Variants in TPP2 observed in about 807,000 individuals in gnomAD.
The protein encoded by TPP2 is tripeptidyl peptidase 2, also known as tripeptidyl-peptidase 2.
A neutral mutation model predicts 155.9 loss-of-function variants in TPP2; 34 were observed. The observed-to-expected ratio is 0.22, with a 90% confidence interval of 0.17 to 0.29. The LOEUF (loss-of-function observed/expected upper bound fraction) is 0.29, where lower values mean the gene tolerates loss of function less well. TPP2 is among the 10% of genes least tolerant of loss of function. The pLI, the probability that TPP2 is intolerant of heterozygous loss-of-function variation, is 1.00. For synonymous variants in TPP2, 510 were observed against 529.4 expected (o/e 0.96, Z 0.50); for missense variants, 1,028 against 1,522.3 (o/e 0.68, Z 5.40).
At chr13:102,600,665 A>G (rs1316332111) in intron 1 of TPP2, among the ~76,000 whole-genome samples, 1 of 152,196 alleles carries the variant, frequency 6.6e-6, no homozygotes. Context: ...TTTTTGTTGA[A>G]TGGAAAAAAT....
In TPP2 at chr13:102,643,357, C is replaced by T; in HGVS notation, c.2156C>T (p.Thr719Ile). ...FCSLPEKGTL[T>I]EAFPVLGGKA... is the part of the protein sequence containing the mutation. Reference sequence around the variant, plus strand: ...TCTCTTCCAGAGAAAGGAACACTGACTGAAGCTTTTCCTGTCCTAGTAAGT... The same window carrying T: ...TCTCTTCCAGAGAAAGGAACACTGATTGAAGCTTTTCCTGTCCTAGTAAGT... Residue 719 changes from threonine to isoleucine, a missense_variant, in exon 17 of 30, where the codon ACT (threonine) becomes ATT (isoleucine). Thr to Ile is a moderately conservative substitution (Grantham distance 89). Around this residue, in one of 7 missense-constraint regions of TPP2, gnomAD observed 325 missense variants for 463.7 expected, o/e 0.70. Transcript: ENST00000376052. 6.2e-7 allele frequency: 1 copy of T among 1,605,074 alleles called. No homozygotes were observed. Among genetic ancestry groups the T allele is most frequent in the Non-Finnish European group, 8.5e-7 (1 of 1,177,484 alleles).
rs1370891970 is a variant in TPP2 at position 102,678,634 on chromosome 13, G to T, written c.*318G>T. The stretch of plus-strand genomic sequence containing the variant: ...AGGTTTTGGAAGGTAACTTTTAACT[G>T]CAAACCTATAAAGTACTATTTTTTA... On this transcript the variant is annotated 3_prime_UTR_variant, in exon 30 of 30. Transcript: ENST00000376052. The T allele has an allele frequency of 4.9e-6, 1 of 203,914 alleles. No individual in the cohort carries two copies. The highest frequency in any genetic ancestry group is 1.1e-4 in the East Asian group (1 of 9,378). The allele number at this position is 203,914 out of a possible 1,614,324, so 12.6% of individuals were successfully genotyped here.
chr13:102,646,230 G>C, intron 19 of TPP2, 64 bp from the exon 20 acceptor site: 1 of 1,365,756 alleles, frequency 7.3e-7, no homozygotes, highest in Non-Finnish European at 1.0e-6. Flanking sequence ...TGTTGCATAT[G>C]GTTTTATTTG....
chr13:102,673,956 A>G (rs1454239853), intron 27 of TPP2, among the ~76,000 whole-genome samples: 2 of 152,220 alleles, frequency 1.3e-5, no homozygotes, highest in East Asian at 3.8e-4. Flanking sequence ...CTGAAAACTC[A>G]AAAGTCGTTT....
chr13:102,653,012 G>T (rs1026375069), intron 24 of TPP2, among the ~76,000 whole-genome samples: 8 of 152,084 alleles, frequency 5.3e-5, no homozygotes, highest in Non-Finnish European at 1.0e-4. Flanking sequence ...TATTTTTGTT[G>T]ACCTTTTGCA....
intron 1 of TPP2, among the ~76,000 whole-genome samples, chr13:102,604,148 G>C (rs1228866155): frequency 6.6e-6 from 1 of 152,146 alleles, no homozygotes; most frequent in Non-Finnish European, 1.5e-5. Flanking sequence ...TGTTGCGTTT[G>C]AGGTGCTAGT....
rs755251407 is a variant in TPP2 at position 102,635,595 on chromosome 13, G to A, written c.1402G>A (p.Ala468Thr). 6 of 1,611,632 alleles carry A rather than the reference G, an allele frequency of 3.7e-6. No individual in the cohort carries two copies. Among genetic ancestry groups the A allele is most frequent in the Non-Finnish European group, 5.1e-6 (6 of 1,179,438 alleles). ...GIALILSGLK[A>T]NNIDYTVHSV... ...TTGTTTCTTAATTTTAGGTCTGAAA[G>A]CTAATAACATTGACTACACAGTTCA... Residue 468 changes from alanine (A) to threonine (T), a missense_variant, in exon 12 of 30, where the codon GCT becomes ACT. Physicochemically the swap from Ala to Thr is moderately conservative, Grantham distance 58. Coordinates refer to ENST00000376052, the MANE Select transcript of TPP2 (RefSeq NM_001330588.2).
chr13:102,647,979 A>G (rs1157140433), intron 21 of TPP2, among the ~76,000 whole-genome samples: 6 of 152,154 alleles, frequency 3.9e-5, no homozygotes, highest in African/African-American at 1.4e-4. Flanking sequence ...TTTTTCAATT[A>G]GTTGTTAAAG....
At position 102,607,107 on chromosome 13, in the gene TPP2, C is replaced by A. The variant is rs558585002; in HGVS notation, c.294+2186C>A. ...CTGTAAGCCAGGAAGAGGGCTTTCA[C>A]CTATGCTCAACCATGCTGGCACCCT... On this transcript the variant is annotated intron_variant, in intron 2 of 29. Coordinates refer to ENST00000376052, the MANE Select transcript of TPP2 (RefSeq NM_001330588.2). Among the ~76,000 whole-genome samples, 68 of 152,318 alleles carry A rather than the reference C, an allele frequency of 4.5e-4. 1 individual carries two copies. In the Middle Eastern group the frequency reaches 0.014, roughly 30 times the overall value.
intron 4 of TPP2, among the ~76,000 whole-genome samples, chr13:102,617,572 G>A (rs1880842641): frequency 2.0e-5 from 3 of 152,304 alleles, no homozygotes; most frequent in Admixed American, 1.3e-4. Context: ...AGTTTCTGAT[G>A]TGACAGCCTC....
chr13:102,647,894 T>C (rs1883232043), intron 21 of TPP2, among the ~76,000 whole-genome samples: 1 of 152,250 alleles, frequency 6.6e-6, no homozygotes, highest in Admixed American at 6.5e-5. Context: ...CCTTAGATAT[T>C]ACTGCAAAGA....
At chr13:102,617,733 G>A (rs1379513349) in intron 4 of TPP2, among the ~76,000 whole-genome samples, 5 of 152,144 alleles carry the variant, frequency 3.3e-5, no homozygotes, top group Admixed American at 6.5e-5. Context: ...AAGTGCTTTT[G>A]ATCAAAGACG....
At position 102,630,347 on chromosome 13, in the gene TPP2, A is replaced by G. The variant is rs1167823569; in HGVS notation, c.1244+152A>G. Reference sequence around the variant, plus strand: ...TCATTTTGATTAACAGTCTCATCTCAGGGACAGATAAATAAAATAAATGAA... The same window carrying G: ...TCATTTTGATTAACAGTCTCATCTCGGGGACAGATAAATAAAATAAATGAA... On this transcript the variant is annotated intron_variant, in intron 10 of 29. Coordinates refer to ENST00000376052, the MANE Select transcript of TPP2 (RefSeq NM_001330588.2). 4 of 543,916 alleles carry G rather than the reference A, an allele frequency of 7.4e-6. No homozygotes were observed. The Admixed American group carries it at 1.0e-4, about 14-fold the overall frequency. The allele number at this position is 543,916 out of a possible 1,614,324, so 33.7% of individuals were successfully genotyped here.
At chr13:102,674,259 A>T in intron 27 of TPP2, 24 bp from the exon 28 acceptor site, 1 of 1,592,892 alleles carries the variant, frequency 6.3e-7, no homozygotes, top group Non-Finnish European at 8.5e-7. Context: ...TGATATCTGA[A>T]ATATTTTTTA....
intron 24 of TPP2, chr13:102,654,889 G>A (rs1883750794): frequency 4.4e-6 from 2 of 458,652 alleles, no homozygotes; most frequent in South Asian, 3.1e-5. Context: ...GCTTTGCTCA[G>A]GGCAGTGCCT....
At chr13:102,646,215 G>A in intron 19 of TPP2, 79 bp from the exon 20 acceptor site, 2 of 1,195,142 alleles carry the variant, frequency 1.7e-6, no homozygotes, top group South Asian at 3.0e-5. Flanking sequence ...ATATGTTACA[G>A]ATTTTGTTGC....
Position 102,622,952 on chromosome 13 carries a change from A to C in TPP2, c.696A>C (p.Glu232Asp). 1 of 1,614,206 alleles carries C rather than the reference A, an allele frequency of 6.2e-7. No individual in the cohort carries two copies. The highest frequency in any genetic ancestry group is 8.5e-7 in the Non-Finnish European group (1 of 1,180,036). ...TGAGAAACTACAAAGAAGCCCAAGA[A>C]TATGGCTCTTTTGGCACAGCTGAGA... is the stretch of plus-strand genomic sequence containing the variant. ...TVLRNYKEAQ[E>D]YGSFGTAEML... is the part of the protein sequence containing the mutation. The change falls in exon 6 of 30, where the codon GAA becomes GAC. Residue 232 changes from glutamate (E) to aspartate (D), a missense_variant. This residue lies in a region of TPP2 where 300 missense variants were observed against 398.3 expected (regional missense o/e 0.75). Coordinates refer to ENST00000376052, the MANE Select transcript of TPP2 (RefSeq NM_001330588.2).
At chr13:102,602,145 T>G (rs1258822066) in intron 1 of TPP2, among the ~76,000 whole-genome samples, 9 of 152,208 alleles carry the variant, frequency 5.9e-5, no homozygotes, top group Admixed American at 5.9e-4. Context: ...AATTTCATAT[T>G]GGAATACATT....
chr13:102,642,432 T>C (rs1882827317), intron 16 of TPP2, among the ~76,000 whole-genome samples: 2 of 152,066 alleles, frequency 1.3e-5, no homozygotes, highest in Admixed American at 1.3e-4. Flanking sequence ...AAATAATTTG[T>C]TTTTTTAAAT....
Sources: allele counts gnomAD v4.1 joint callset (sites outside exome capture counted in the v4.1 genomes callset), GRCh38; gene constraint gnomAD v4.1.1; regional missense constraint gnomAD v4.1.1; transcripts MANE v1.5; gene names NCBI Gene and HGNC (gene_info 2026-07-23, HGNC 2026-07-21).